The following TRPM3 variants were observed in gnomAD, a reference collection of about 807,000 sequenced individuals.
TRPM3 encodes long transient receptor potential channel 3.
A neutral mutation model predicts 181.2 loss-of-function variants in TRPM3; 77 were observed. The ratio of observed to expected loss-of-function variants is 0.42; its 90% CI spans 0.35 to 0.51. TRPM3 has a LOEUF of 0.51. Among genes scored for constraint, TRPM3 ranks in the 20% least tolerant of loss-of-function variants. The pLI, the probability that TRPM3 is intolerant of heterozygous loss-of-function variation, is 0.01. For missense variants in TRPM3, 1,759 were observed against 2,196.7 expected (o/e 0.80, Z 3.98); for synonymous variants, 745 against 796.4 (o/e 0.94, Z 1.09).
At chr9:71,339,659 C>A (rs568904156) in intron 1 of TRPM3, among the ~76,000 whole-genome samples, 3 of 152,142 alleles carry the variant, frequency 2.0e-5, no homozygotes, top group African/African-American at 4.8e-5. Context: ...CCATACATAG[C>A]GTATGACTCT....
chr9:70,568,344 A>G (rs1398206060), intron 22 of TRPM3, among the ~76,000 whole-genome samples: 5 of 152,248 alleles, frequency 3.3e-5, no homozygotes, highest in Non-Finnish European at 5.9e-5. Flanking sequence ...AGAGATGCAC[A>G]CATCAAATTC....
chr9:71,126,532 A>G (rs550644320), upstream of TRPM3, among the ~76,000 whole-genome samples: 1 of 152,288 alleles, frequency 6.6e-6, no homozygotes, highest in African/African-American at 2.4e-5. Flanking sequence ...CCATTTACCT[A>G]CAGGACAATC....
intron 1 of TRPM3, among the ~76,000 whole-genome samples, chr9:71,082,006 C>T (rs933440521): frequency 4.6e-5 from 7 of 152,136 alleles, no homozygotes; most frequent in African/African-American, 1.7e-4. Flanking sequence ...ACAGATGTAA[C>T]AACCTCAATG....
intron 20 of TRPM3, among the ~76,000 whole-genome samples, chr9:70,602,402 T>C (rs937407976): frequency 6.6e-6 from 1 of 152,174 alleles, no homozygotes; most frequent in Non-Finnish European, 1.5e-5. Flanking sequence ...AGTCCTTTTT[T>C]CCTATGGTGC....
At chr9:70,595,946 T>C (rs1272673490) in intron 21 of TRPM3, among the ~76,000 whole-genome samples, 2 of 152,214 alleles carry the variant, frequency 1.3e-5, no homozygotes, top group Non-Finnish European at 2.9e-5. Flanking sequence ...AGTTTGGTGA[T>C]ATTTGTCCTA....
At chr9:70,781,965 G>A (rs1389180081) in intron 7 of TRPM3, among the ~76,000 whole-genome samples, 1 of 151,928 alleles carries the variant, frequency 6.6e-6, no homozygotes, top group Non-Finnish European at 1.5e-5. Context: ...GAGGTGAACA[G>A]TGTACTTTTC....
At chr9:70,746,385 G>A (rs1431954277) in intron 8 of TRPM3, among the ~76,000 whole-genome samples, 3 of 152,124 alleles carry the variant, frequency 2.0e-5, no homozygotes, top group Admixed American at 6.6e-5. Flanking sequence ...AATGTGGAAA[G>A]AGAGTTGTCA....
At chr9:71,256,015 G>A (rs2082649671) in intron 1 of TRPM3, among the ~76,000 whole-genome samples, 1 of 152,134 alleles carries the variant, frequency 6.6e-6, no homozygotes, top group Non-Finnish European at 1.5e-5. Context: ...TCCAAGATCT[G>A]AGATGTGACA....
rs1425957844 is a variant in TRPM3, at chr9:70,532,107, C to A, written c.*3846G>T. On this transcript the variant is annotated 3_prime_UTR_variant, in exon 26 of 26. Coordinates refer to ENST00000677713, the MANE Select transcript of TRPM3 (RefSeq NM_001366145.2). ...TGTTTACATGTGTTTTATAATACAGCATTGCCCAACATATGAATGGTATAG... is the reference window on the plus strand; with the variant it reads ...TGTTTACATGTGTTTTATAATACAGAATTGCCCAACATATGAATGGTATAG... 2.0e-5 allele frequency: 3 copies of A among 152,106 alleles called. No individual in the cohort carries two copies. The highest frequency in any genetic ancestry group is 7.2e-5 in the African/African-American group (3 of 41,398). 9.4% of individuals were successfully genotyped at this position (152,106 alleles called of 1,614,324 possible). A position where few individuals can be genotyped will look rare whatever the true frequency, so the allele number is the denominator to read the frequency against.
intron 25 of TRPM3, among the ~76,000 whole-genome samples, chr9:70,538,751 C>T (rs1427011425): frequency 6.6e-6 from 1 of 152,180 alleles, no homozygotes; most frequent in African/African-American, 2.4e-5. Context: ...TCTCATATTC[C>T]TGTTTTCATT....
intron 1 of TRPM3, among the ~76,000 whole-genome samples, chr9:71,406,023 C>T (rs2093429549): frequency 6.6e-6 from 1 of 152,114 alleles, no homozygotes; most frequent in South Asian, 2.1e-4. Context: ...CACCTGTAAT[C>T]CCAGCACTTC....
intron 1 of TRPM3, among the ~76,000 whole-genome samples, chr9:71,204,320 T>A (rs11142733): frequency 0.43 from 63,797 of 149,854 alleles, 13,981 homozygotes; most frequent in East Asian, 0.52. Flanking sequence ...TCATCTGACA[T>A]AGGGCTAATA....
At chr9:70,649,347 C>T (rs187329585) in intron 9 of TRPM3, among the ~76,000 whole-genome samples, 1 of 152,094 alleles carries the variant, frequency 6.6e-6, no homozygotes, top group Non-Finnish European at 1.5e-5. Context: ...TGCCACCATG[C>T]CTGGCTAATT....
At chr9:70,663,547 C>T in intron 9 of TRPM3, among the ~76,000 whole-genome samples, 2 of 152,130 alleles carry the variant, frequency 1.3e-5, no homozygotes, top group East Asian at 3.8e-4. Context: ...ACTATTTCCC[C>T]TGAATCCAGG....
intron 1 of TRPM3, among the ~76,000 whole-genome samples, chr9:71,280,565 T>C (rs1037199795): frequency 6.6e-6 from 1 of 151,776 alleles, no homozygotes; most frequent in Non-Finnish European, 1.5e-5. Context: ...TGAGAGAGGA[T>C]TTGTGGGAGA....
At chr9:71,034,679 G>A (rs906702369) in intron 1 of TRPM3, among the ~76,000 whole-genome samples, 33 of 151,944 alleles carry the variant, frequency 2.2e-4, no homozygotes, top group African/African-American at 7.2e-4. Context: ...CATCATCTCG[G>A]TAGCTTGAAA....
At chr9:71,390,047 T>C (rs1335343369) in intron 1 of TRPM3, among the ~76,000 whole-genome samples, 1 of 152,030 alleles carries the variant, frequency 6.6e-6, no homozygotes, top group African/African-American at 2.4e-5. Flanking sequence ...GTGTGCACAC[T>C]CATACACAGT....
intron 1 of TRPM3, among the ~76,000 whole-genome samples, chr9:70,966,259 T>G (rs2097184557): frequency 6.6e-6 from 1 of 151,900 alleles, no homozygotes; most frequent in African/African-American, 2.4e-5. Context: ...GCTGGCAAGG[T>G]TACAGAGAAA....
intron 1 of TRPM3, among the ~76,000 whole-genome samples, chr9:70,903,454 C>T (rs192883262): frequency 2.2e-4 from 33 of 151,990 alleles, no homozygotes; most frequent in Non-Finnish European, 3.7e-4. Flanking sequence ...CATCCATCTC[C>T]CCAAAAAGAA....
Sources: allele counts gnomAD v4.1 joint callset (sites outside exome capture counted in the v4.1 genomes callset), GRCh38; gene constraint gnomAD v4.1.1; transcripts MANE v1.5; gene names NCBI Gene and HGNC (gene_info 2026-07-23, HGNC 2026-07-21).